BACH2: variants seen among roughly 807,000 people sequenced by gnomAD.
BACH2 encodes transcription regulator protein BACH2.
Under a neutral mutation model 61.8 loss-of-function variants are expected in BACH2, and 5 were observed. The ratio of observed to expected loss-of-function variants is 0.08; its 90% CI spans 0.04 to 0.17. BACH2 has a LOEUF of 0.17. BACH2 is among the 10% of genes least tolerant of loss of function. The pLI, the probability that BACH2 is intolerant of heterozygous loss-of-function variation, is 1.00. For synonymous variants in BACH2, 446 were observed against 440.1 expected (o/e 1.01, Z -0.17); for missense variants, 824 against 1,091.1 (o/e 0.76, Z 3.45).
At chr6:90,065,565 C>T (rs941385804) in intron 5 of BACH2, among the ~76,000 whole-genome samples, 8 of 152,144 alleles carry the variant, frequency 5.3e-5, no homozygotes, top group African/African-American at 1.9e-4. Context: ...TCCAATAAAA[C>T]CCTATTTATA....
chr6:90,280,475 A>C (rs915240845), intron 1 of BACH2, among the ~76,000 whole-genome samples: 1 of 152,224 alleles, frequency 6.6e-6, no homozygotes, highest in East Asian at 1.9e-4. Context: ...AGGTGTTTTA[A>C]ATTGATAATG....
At chr6:89,998,676 C>T (rs6931554) in intron 6 of BACH2, among the ~76,000 whole-genome samples, 127,669 of 151,702 alleles carry the variant, frequency 0.84, 53,918 homozygotes, top group East Asian at 1. Context: ...TAAGAACAGC[C>T]TTCTTTCTTT....
chr6:90,164,262 A>G (rs1037171527), intron 4 of BACH2, among the ~76,000 whole-genome samples: 2 of 152,238 alleles, frequency 1.3e-5, no homozygotes, highest in African/African-American at 4.8e-5. Flanking sequence ...AATACAAACT[A>G]CCATCAGAAA....
At chr6:90,164,493 A>G (rs1207370014) in intron 4 of BACH2, among the ~76,000 whole-genome samples, 3 of 151,862 alleles carry the variant, frequency 2.0e-5, no homozygotes, top group South Asian at 2.1e-4. Flanking sequence ...TACAAGGAGG[A>G]GCTGGTACCA....
At chr6:90,193,787 ATTAAT>A (rs1439706919) in intron 4 of BACH2, among the ~76,000 whole-genome samples, 1 of 152,238 alleles carries the variant, frequency 6.6e-6, no homozygotes, top group Non-Finnish European at 1.5e-5. Context: ...ATAGGACCTA[ATTAAT>A]TTAAGTGGCA....
At chr6:90,094,175 T>G (rs1371124042) in intron 4 of BACH2, among the ~76,000 whole-genome samples, 1 of 152,212 alleles carries the variant, frequency 6.6e-6, no homozygotes, top group African/African-American at 2.4e-5. Flanking sequence ...CAAGTGGGTC[T>G]CCAGCTGCAA....
At chr6:89,945,451 G>C (rs1014717333) in intron 7 of BACH2, among the ~76,000 whole-genome samples, 3 of 152,224 alleles carry the variant, frequency 2.0e-5, no homozygotes, top group Non-Finnish European at 4.4e-5. Flanking sequence ...GCTAGACACA[G>C]AAGGCCACAT....
intron 6 of BACH2, among the ~76,000 whole-genome samples, chr6:89,994,597 G>A (rs575637992): frequency 2.4e-4 from 37 of 152,308 alleles, no homozygotes; most frequent in African/African-American, 8.7e-4. Context: ...GAAGGGACCA[G>A]GAAGCATTGG....
intron 4 of BACH2, among the ~76,000 whole-genome samples, chr6:90,195,392 T>C (rs1423373990): frequency 6.6e-6 from 1 of 152,200 alleles, no homozygotes; most frequent in African/African-American, 2.4e-5. Context: ...CACAACCACC[T>C]TTCTCTGAGG....
Position 90,126,560 on chromosome 6 carries a change from C to T in BACH2, c.-161-37451G>A, listed in dbSNP as rs192606459. On this transcript the variant is annotated intron_variant, in intron 4 of 8. Transcript: ENST00000257749. The stretch of plus-strand genomic sequence containing the variant: ...ACATAGAGCTACATGAAGTGTCAAC[C>T]CTAGTGAAGTGATTATGTTTTAACT... Among the ~76,000 whole-genome samples the T allele has an allele frequency of 1.8e-3, 275 of 152,216 alleles. 2 individuals are homozygous for T. Among genetic ancestry groups the T allele is most frequent in the Middle Eastern group, 3.4e-3 (1 of 294 alleles).
chr6:90,038,072 A>G (rs1779350190), intron 5 of BACH2, among the ~76,000 whole-genome samples: 1 of 152,230 alleles, frequency 6.6e-6, no homozygotes, highest in Non-Finnish European at 1.5e-5. Context: ...CTGTGAGGCA[A>G]TACATTTCTG....
intron 4 of BACH2, among the ~76,000 whole-genome samples, chr6:90,133,964 A>C (rs377090704): frequency 6.6e-6 from 1 of 152,190 alleles, no homozygotes; most frequent in African/African-American, 2.4e-5. Flanking sequence ...GGGTTGGTTC[A>C]AAGTCTTTGC....
At chr6:90,093,479 T>A (rs1025119142) in intron 4 of BACH2, among the ~76,000 whole-genome samples, 1 of 152,214 alleles carries the variant, frequency 6.6e-6, no homozygotes, top group Admixed American at 6.5e-5. Flanking sequence ...CTGTCCAATA[T>A]GGCAGCCACA....
rs963766946 is a variant in BACH2, at chr6:90,008,955, T to C, written c.-12-99A>G. 8.6e-6 allele frequency: 12 copies of C among 1,395,764 alleles called. No individual in the cohort carries two copies. Among genetic ancestry groups the C allele is most frequent in the Admixed American group, 2.3e-5 (1 of 44,402 alleles). 86.5% of individuals were successfully genotyped at this position (1,395,764 alleles called of 1,614,324 possible). A position where few individuals can be genotyped will look rare whatever the true frequency, so the allele number is the denominator to read the frequency against. On this transcript the variant is annotated intron_variant, in intron 5 of 8. Coordinates refer to ENST00000257749, the MANE Select transcript of BACH2 (RefSeq NM_021813.4). The surrounding 1 kb of genome is among the most constrained non-coding windows in gnomAD (Gnocchi z 4.1). ...AGGTGAGAAAGAACATCATGGTTCC[T>C]GTGTCCCACTGCCATGAGCATGGCA...
chr6:90,040,956 C>T (rs1484516921), intron 5 of BACH2, among the ~76,000 whole-genome samples: 1 of 152,054 alleles, frequency 6.6e-6, no homozygotes, highest in Non-Finnish European at 1.5e-5. Context: ...CACCATCTTC[C>T]AGCTGATTCA....
chr6:90,111,485 T>G (rs1783169437), intron 4 of BACH2, among the ~76,000 whole-genome samples: 1 of 152,236 alleles, frequency 6.6e-6, no homozygotes, highest in Non-Finnish European at 1.5e-5. Flanking sequence ...CTGCCCCTAT[T>G]TTCTCATTCA....
At chr6:90,131,458 C>A (rs1266096865) in intron 4 of BACH2, among the ~76,000 whole-genome samples, 1 of 152,172 alleles carries the variant, frequency 6.6e-6, no homozygotes, top group African/African-American at 2.4e-5. Context: ...AAGACACCAA[C>A]CTGCTGAGAA....
chr6:89,977,554 G>C (rs1313497937), intron 6 of BACH2, among the ~76,000 whole-genome samples: 1 of 152,196 alleles, frequency 6.6e-6, no homozygotes, highest in Admixed American at 6.5e-5. Context: ...TAAAAACGGT[G>C]TAAGAACCAC....
At chr6:90,175,288 C>T (rs1322913891) in intron 4 of BACH2, among the ~76,000 whole-genome samples, 1 of 151,890 alleles carries the variant, frequency 6.6e-6, no homozygotes, top group Non-Finnish European at 1.5e-5. Context: ...ATTCCTTATT[C>T]TAGGAAAGTT....
Sources: allele counts gnomAD v4.1 joint callset (sites outside exome capture counted in the v4.1 genomes callset), GRCh38; gene constraint gnomAD v4.1.1; non-coding constraint Gnocchi (gnomAD v3.1); transcripts MANE v1.5; gene names NCBI Gene and HGNC (gene_info 2026-07-23, HGNC 2026-07-21).